NEBL: variants seen among roughly 807,000 people sequenced by gnomAD.
NEBL encodes the protein LIM and SH3 protein 2.
NEBL carries 122 observed loss-of-function variants against 140.2 expected under a neutral mutation model. That is an observed-to-expected ratio of 0.87 (90% CI 0.75 to 1.01). The LOEUF is 1.01. Among genes scored for constraint, NEBL ranks in the 50% least tolerant of loss-of-function variants. The pLI is 0.00. For missense variants in NEBL, 1,365 were observed against 1,231.3 expected (o/e 1.11, Z -1.62); for synonymous variants, 436 against 398.9 (o/e 1.09, Z -1.11).
chr10:21,042,223 A>G (rs1260781717), intron 2 of NEBL, among the ~76,000 whole-genome samples: 3 of 152,200 alleles, frequency 2.0e-5, no homozygotes, highest in Non-Finnish European at 4.4e-5. Context: ...CAACAACCTT[A>G]TGAGGTACAT....
chr10:21,129,253 T>C (rs1421853317), intron 2 of NEBL, among the ~76,000 whole-genome samples: 1 of 151,952 alleles, frequency 6.6e-6, no homozygotes, highest in African/African-American at 2.4e-5. Flanking sequence ...GAGGTAAAAT[T>C]AAAAAATTTT....
intron 3 of NEBL, among the ~76,000 whole-genome samples, chr10:21,198,887 T>A (rs1243834672): frequency 6.6e-6 from 1 of 152,192 alleles, no homozygotes; most frequent in Non-Finnish European, 1.5e-5. Flanking sequence ...CACCTGCTTT[T>A]AAGCTAAATT....
intron 4 of NEBL, among the ~76,000 whole-genome samples, chr10:20,935,389 C>T (rs548533864): frequency 1.4e-4 from 22 of 152,266 alleles, no homozygotes; most frequent in Admixed American, 9.1e-4. Flanking sequence ...AGGCAGCAGA[C>T]GATTATCAGC....
chr10:20,782,220 T>A lies in NEBL; in HGVS notation c.*3527A>T, dbSNP rs540874037. On this transcript the variant is annotated 3_prime_UTR_variant, in exon 28 of 28. Coordinates refer to ENST00000377122, the MANE Select transcript of NEBL (RefSeq NM_006393.3). ...AATCATGTGTAATAAAATATTACTA[T>A]AGAATAGGCAGCAACTTGCTTGCTT... The A allele has an allele frequency of 3.9e-5, 6 of 152,654 alleles. No homozygotes were observed. In the South Asian group the frequency reaches 1.2e-3, roughly 32 times the overall value. The allele number at this position is 152,654 out of a possible 1,614,324, so 9.5% of individuals were successfully genotyped here. A position where few individuals can be genotyped will look rare whatever the true frequency, so the allele number is the denominator to read the frequency against.
At chr10:21,063,384 C>T (rs1481544180) in intron 2 of NEBL, among the ~76,000 whole-genome samples, 1 of 152,144 alleles carries the variant, frequency 6.6e-6, no homozygotes, top group Non-Finnish European at 1.5e-5. Flanking sequence ...TAGTTAATCA[C>T]TAATAGTCAC....
intron 4 of NEBL, among the ~76,000 whole-genome samples, chr10:20,912,975 T>C (rs1343096301): frequency 6.6e-6 from 1 of 151,400 alleles, no homozygotes; most frequent in Non-Finnish European, 1.5e-5. Context: ...TTGCCCAGTC[T>C]GGTTTCAAGC....
chr10:21,262,855 T>A (rs780192462), intron 1 of NEBL, among the ~76,000 whole-genome samples: 9 of 152,166 alleles, frequency 5.9e-5, no homozygotes, highest in Non-Finnish European at 1.3e-4. Flanking sequence ...CTCTTTAAAT[T>A]CCGTGTAGAC....
At chr10:20,867,386 T>C (rs956888167) in intron 7 of NEBL, among the ~76,000 whole-genome samples, 19 of 152,186 alleles carry the variant, frequency 1.2e-4, no homozygotes, top group African/African-American at 4.6e-4. Context: ...CACTTTGAAA[T>C]GTAATTCAAG....
intron 12 of NEBL, 22 bp from the exon 13 acceptor site, chr10:20,840,871 G>C: frequency 7.4e-7 from 1 of 1,350,178 alleles, no homozygotes; most frequent in Non-Finnish European, 1.1e-6. Context: ...GAATATCACA[G>C]TTCAAAACTT....
intron 4 of NEBL, among the ~76,000 whole-genome samples, chr10:20,884,950 C>A (rs979764627): frequency 2.0e-5 from 3 of 152,230 alleles, no homozygotes; most frequent in African/African-American, 7.2e-5. Context: ...CTACATCTCT[C>A]TCTCTTTTTC....
intron 4 of NEBL, among the ~76,000 whole-genome samples, chr10:20,905,908 C>T (rs1848073462): frequency 6.6e-6 from 1 of 152,122 alleles, no homozygotes; most frequent in Non-Finnish European, 1.5e-5. Context: ...ACCATGAAGC[C>T]TTTGCAGTTA....
At chr10:20,859,982 A>C (rs1295223339) in intron 7 of NEBL, among the ~76,000 whole-genome samples, 156 bp from the exon 8 acceptor site, 1 of 152,112 alleles carries the variant, frequency 6.6e-6, no homozygotes, top group Non-Finnish European at 1.5e-5. Flanking sequence ...TAGGCACAAA[A>C]GTTTTTATCT....
chr10:21,024,278 A>T (rs1838932579), intron 2 of NEBL, among the ~76,000 whole-genome samples: 1 of 152,198 alleles, frequency 6.6e-6, no homozygotes, highest in South Asian at 2.1e-4. Flanking sequence ...ATCAGTATGT[A>T]GCATAACTTT....
At chr10:20,941,508 C>T (rs1273883691) in intron 4 of NEBL, among the ~76,000 whole-genome samples, 2 of 152,074 alleles carry the variant, frequency 1.3e-5, no homozygotes, top group African/African-American at 2.4e-5. Flanking sequence ...GAAGCATTCC[C>T]TTTGAAAACT....
Position 21,169,077 on chromosome 10 carries a change from T to A in NEBL, c.164+3306A>T, listed in dbSNP as rs1473304711. Reference sequence around the variant, plus strand: ...AAAAAAAAAAAAAAAAATATATATATATATATATATATATATATATATATA... The same window carrying A: ...AAAAAAAAAAAAAAAAATATATATAAATATATATATATATATATATATATA... On this transcript the variant is annotated intron_variant, in intron 2 of 6. Coordinates refer to the NEBL transcript ENST00000417816. 5.7e-3 allele frequency among the ~76,000 whole-genome samples: 324 copies of A among 56,890 alleles called. 5 individuals carry two copies. Among genetic ancestry groups the A allele is most frequent in the African/African-American group, 0.016 (219 of 13,564 alleles). 37.3% of individuals were successfully genotyped at this position (56,890 alleles called of 152,430 possible).
rs1564415688 is a variant in NEBL, at chr10:20,880,855, G to A, written c.419C>T (p.Ala140Val). 1 of 1,614,060 alleles carries A rather than the reference G, an allele frequency of 6.2e-7. No individual in the cohort carries two copies. The highest frequency in any genetic ancestry group is 8.5e-7 in the Non-Finnish European group (1 of 1,180,002). The change falls in exon 5 of 28, where the codon GCC becomes GTC. Residue 140 changes from alanine (A) to valine (V), a missense_variant. Around this residue, in one of 2 missense-constraint regions of NEBL, gnomAD observed 1,323 missense variants for 1,154.8 expected, o/e 1.15. Coordinates refer to ENST00000377122, the MANE Select transcript of NEBL (RefSeq NM_006393.3). ...HDAAKGFSDYAHMKEPPEVKH... is the reference protein window; with the variant it reads ...HDAAKGFSDYVHMKEPPEVKH... ...AACCTCAGGGGGCTCCTTCATGTGG[G>A]CATAATCTGAGAATCCTTTGGCAGC...
Position 20,780,886 on chromosome 10 carries a change from G to A in NEBL, c.*4861C>T, listed in dbSNP as rs534003373. On this transcript the variant is annotated 3_prime_UTR_variant, in exon 28 of 28. Coordinates refer to ENST00000377122, the MANE Select transcript of NEBL (RefSeq NM_006393.3). ...GTTTCAATAGATAAATCGGTGATTT[G>A]CTTTTAAACAAATATTAATGTTAAT... 6 of 152,276 alleles carry A rather than the reference G, an allele frequency of 3.9e-5. No homozygotes were observed. Among genetic ancestry groups the A allele is most frequent in the African/African-American group, 1.4e-4 (6 of 41,564 alleles). 9.4% of individuals were successfully genotyped at this position (152,276 alleles called of 1,614,324 possible).
At chr10:21,125,229 C>T (rs1265811815) in intron 2 of NEBL, among the ~76,000 whole-genome samples, 2 of 146,544 alleles carry the variant, frequency 1.4e-5, no homozygotes, top group Non-Finnish European at 3.0e-5. Context: ...CATGCATATA[C>T]ACACACACAC....
rs183799668 is a variant in NEBL at position 21,266,872 on chromosome 10, G to A, written n.183-15044C>T. Among the ~76,000 whole-genome samples the A allele has an allele frequency of 7.7e-3, 1,174 of 152,208 alleles. 11 individuals are homozygous for A. The highest frequency in any genetic ancestry group is 0.012 in the Non-Finnish European group (837 of 68,012). On this transcript the variant is annotated intron_variant and non_coding_transcript_variant, in intron 1 of 8. Transcript: ENST00000675702. ...AGCTTACTGCAACCTCTGCCTCCCG[G>A]GTTCAAGCAATTTGCTGCCTCAGCC...
Sources: gnomAD v4.1 joint callset for allele counts (sites outside exome capture counted in the v4.1 genomes callset) on GRCh38, gnomAD v4.1.1 for gene constraint, gnomAD v4.1.1 regional missense constraint, MANE v1.5 for transcripts, NCBI Gene and HGNC (gene_info 2026-07-23, HGNC 2026-07-21) for gene names.